SH3GL1: variants seen among roughly 807,000 people sequenced by gnomAD.
The protein encoded by SH3GL1 is endophilin-A2.
In SH3GL1, 21 loss-of-function variants were observed where a neutral mutation model predicts 48.8. The ratio of observed to expected loss-of-function variants is 0.43; its 90% CI spans 0.30 to 0.62. SH3GL1 has a LOEUF of 0.62. Ranked by LOEUF, SH3GL1 falls within the 20% of genes least tolerant of loss-of-function variation. The pLI, the probability that SH3GL1 is intolerant of heterozygous loss-of-function variation, is 0.11. For missense variants in SH3GL1, 454 were observed against 503.0 expected, an observed-to-expected ratio of 0.90 and a Z score of 0.93; for synonymous variants, 282 against 217.5, an observed-to-expected ratio of 1.30 and a Z score of -2.61.
At chr19:4,368,895 C>A (rs1205890896) in intron 1 of SH3GL1, among the ~76,000 whole-genome samples, 1 of 152,134 alleles carries the variant, frequency 6.6e-6, no homozygotes, top group African/African-American at 2.4e-5. Context: ...CACAGTGAAA[C>A]CCCGTCTCTA....
At position 4,361,810 on chromosome 19, in the gene SH3GL1, CGGGCTGTG is replaced by C; in HGVS notation, c.911-22_911-15del. ...GGTCCAGGGGCGCTGGGGGCGGGAG[CGGGCTGTG>C]GGGCTGGGGCTGCTACGCCTCACCC... On this transcript the variant is annotated splice_polypyrimidine_tract_variant and intron_variant, in intron 9 of 9. Coordinates refer to ENST00000269886, the MANE Select transcript of SH3GL1 (RefSeq NM_003025.4). 1 of 1,588,704 alleles carries C rather than the reference CGGGCTGTG, an allele frequency of 6.3e-7. No homozygotes were observed.
At chr19:4,377,106 G>C (rs1475088665) in intron 1 of SH3GL1, among the ~76,000 whole-genome samples, 1 of 152,234 alleles carries the variant, frequency 6.6e-6, no homozygotes, top group African/African-American at 2.4e-5. Flanking sequence ...TCCCCAGAGA[G>C]CTGCAAGGTT....
intron 1 of SH3GL1, among the ~76,000 whole-genome samples, chr19:4,379,016 C>T (rs1183905700): frequency 2.6e-5 from 4 of 152,364 alleles, no homozygotes; most frequent in East Asian, 3.9e-4. Flanking sequence ...TGATCGTGCA[C>T]GAAATCTCAT....
chr19:4,383,475 C>G (rs980662135), intron 1 of SH3GL1, among the ~76,000 whole-genome samples: 1 of 152,108 alleles, frequency 6.6e-6, no homozygotes, highest in Non-Finnish European at 1.5e-5. Flanking sequence ...CTCAAGCCAT[C>G]CTCCTGCCTC....
intron 1 of SH3GL1, among the ~76,000 whole-genome samples, chr19:4,375,608 C>T (rs1257485522): frequency 6.6e-6 from 1 of 152,236 alleles, no homozygotes; most frequent in Non-Finnish European, 1.5e-5. Context: ...GCCTGGGGCT[C>T]CTCTCCCAGG....
intron 6 of SH3GL1, 35 bp downstream of exon 6, chr19:4,363,685 G>C: frequency 6.2e-7 from 1 of 1,611,432 alleles, no homozygotes; most frequent in Non-Finnish European, 8.5e-7. Context: ...CAAGGGCATA[G>C]GTCTTCTCAG....
At chr19:4,374,298 A>AGCCAGGG (rs138874084) in intron 1 of SH3GL1, among the ~76,000 whole-genome samples, 1 of 152,206 alleles carries the variant, frequency 6.6e-6, no homozygotes, top group Non-Finnish European at 1.5e-5. Context: ...ACAGAGTGGC[A>AGCCAGGG]GCCAGGGGCC....
chr19:4,391,742 C>G (rs990205810), intron 1 of SH3GL1, among the ~76,000 whole-genome samples: 1 of 152,204 alleles, frequency 6.6e-6, no homozygotes. Context: ...AAGGCAGTCT[C>G]AAACTTCTGT....
Position 4,376,758 on chromosome 19 carries a change from G to A in SH3GL1, c.46-9764C>T, listed in dbSNP as rs898379967. 7.9e-5 allele frequency among the ~76,000 whole-genome samples: 12 copies of A among 152,122 alleles called. No homozygotes were observed. The highest frequency in any genetic ancestry group is 1.3e-4 in the Admixed American group (2 of 15,276). On this transcript the variant is annotated intron_variant, in intron 1 of 9. Transcript: ENST00000269886. The surrounding 1 kb of genome is among the most constrained non-coding windows in gnomAD (Gnocchi z 4.3). The stretch of plus-strand genomic sequence containing the variant: ...TGTCCATCCAAATGTCCCCATGGCT[G>A]CAAGGCTGCCCCACCCTCCTGCTAT...
At chr19:4,369,396 C>T (rs548008109) in intron 1 of SH3GL1, among the ~76,000 whole-genome samples, 3 of 152,372 alleles carry the variant, frequency 2.0e-5, no homozygotes, top group Non-Finnish European at 2.9e-5. Flanking sequence ...CTGAAGCCAG[C>T]GGGCTGCGAA....
intron 1 of SH3GL1, among the ~76,000 whole-genome samples, chr19:4,371,731 C>G (rs528545801): frequency 1.3e-5 from 2 of 152,192 alleles, no homozygotes; most frequent in African/African-American, 4.8e-5. Context: ...CAGCAGAGTT[C>G]ACGGGTCCTC....
chr19:4,398,697 A>G (rs1973466379), intron 1 of SH3GL1, among the ~76,000 whole-genome samples: 1 of 152,112 alleles, frequency 6.6e-6, no homozygotes, highest in Non-Finnish European at 1.5e-5. Context: ...TTGCATTCGA[A>G]ATTGCAAAGT....
At chr19:4,377,990 G>A (rs1342200926) in intron 1 of SH3GL1, among the ~76,000 whole-genome samples, 2 of 152,166 alleles carry the variant, frequency 1.3e-5, no homozygotes, top group Non-Finnish European at 2.9e-5. Context: ...CGTCCTTGGA[G>A]GGACACCACT....
At chr19:4,381,087 CCTCT>C (rs201250463) in intron 1 of SH3GL1, among the ~76,000 whole-genome samples, 5 of 119,428 alleles carry the variant, frequency 4.2e-5, no homozygotes, top group Non-Finnish European at 6.9e-5. Context: ...CTCTCTGTCC[CCTCT>C]CTCTGTCCCC....
At chr19:4,374,854 G>A (rs1219895890) in intron 1 of SH3GL1, among the ~76,000 whole-genome samples, 5 of 152,084 alleles carry the variant, frequency 3.3e-5, no homozygotes, top group Non-Finnish European at 7.4e-5. Context: ...TGCGGGCTGC[G>A]CCTGGTGGCC....
At chr19:4,395,985 AT>A (rs1265243636) in intron 1 of SH3GL1, 1 of 152,074 alleles carries the variant, frequency 6.6e-6, no homozygotes, top group Non-Finnish European at 1.5e-5. Context: ...TAAAATGTTT[AT>A]GGTGGATCTA....
At chr19:4,380,527 G>A (rs1156233835) in intron 1 of SH3GL1, among the ~76,000 whole-genome samples, 1 of 152,166 alleles carries the variant, frequency 6.6e-6, no homozygotes, top group Non-Finnish European at 1.5e-5. Context: ...AACATGCCCA[G>A]GACAAGGTTT....
At chr19:4,366,843 A>C in intron 2 of SH3GL1, 83 bp downstream of exon 2, 1 of 1,384,308 alleles carries the variant, frequency 7.2e-7, no homozygotes, top group Non-Finnish European at 1.0e-6. Flanking sequence ...AGGCCCATCA[A>C]GGTTGGCCGC....
intron 8 of SH3GL1, 47 bp from the exon 9 acceptor site, chr19:4,362,432 C>T: frequency 1.3e-6 from 2 of 1,590,384 alleles, no homozygotes; most frequent in South Asian, 1.1e-5. Flanking sequence ...AACGGTCGGG[C>T]AGGGCCCCTT....
Sources: gnomAD v4.1 joint callset for allele counts (sites outside exome capture counted in the v4.1 genomes callset) on GRCh38, gnomAD v4.1.1 for gene constraint, Gnocchi (gnomAD v3.1) non-coding constraint, MANE v1.5 for transcripts, NCBI Gene and HGNC (gene_info 2026-07-23, HGNC 2026-07-21) for gene names.